Variants in LSAMP observed in about 807,000 individuals in gnomAD.
LSAMP encodes the protein limbic system associated membrane protein.
In LSAMP, 7 loss-of-function variants were observed where a neutral mutation model predicts 38.6. The ratio of observed to expected loss-of-function variants is 0.18; its 90% CI spans 0.10 to 0.34. LSAMP has a LOEUF of 0.34. LSAMP is among the 10% of genes least tolerant of loss of function. The probability of loss-of-function intolerance (pLI) is 1.00; values close to 1 mark genes in which losing one functional copy is unlikely to be tolerated. For missense variants in LSAMP, 313 were observed against 420.0 expected (o/e 0.75, Z 2.23); for synonymous variants, 154 against 166.8 (o/e 0.92, Z 0.59).
intron 3 of LSAMP, among the ~76,000 whole-genome samples, chr3:116,001,284 T>C (rs1016914772): frequency 2.8e-4 from 42 of 152,220 alleles, no homozygotes; most frequent in Non-Finnish European, 2.1e-4. Context: ...TAGTCACCAG[T>C]AATAAAATAT....
intron 1 of LSAMP, among the ~76,000 whole-genome samples, chr3:116,338,221 G>T (rs2107749577): frequency 6.6e-6 from 1 of 151,936 alleles, no homozygotes; most frequent in Non-Finnish European, 1.5e-5. Context: ...GGATGACTGT[G>T]GTCTAGTGAG....
chr3:116,108,168 T>C (rs185316159), intron 1 of LSAMP, among the ~76,000 whole-genome samples: 4 of 151,870 alleles, frequency 2.6e-5, no homozygotes, highest in Admixed American at 2.6e-4. Flanking sequence ...TGGATTAAGG[T>C]GGGGGAATAC....
intron 3 of LSAMP, among the ~76,000 whole-genome samples, chr3:115,940,437 A>G (rs1302963894): frequency 6.6e-6 from 1 of 150,832 alleles, no homozygotes; most frequent in East Asian, 2.0e-4. Flanking sequence ...CTTTAGCTAG[A>G]CACAGAGCGC....
intron 3 of LSAMP, among the ~76,000 whole-genome samples, chr3:115,903,567 C>CCT (rs1936933905): frequency 6.6e-6 from 1 of 152,062 alleles, no homozygotes; most frequent in Non-Finnish European, 1.5e-5. Flanking sequence ...CATAAAGAAC[C>CCT]CTCACAGGAG....
At chr3:115,833,282 G>C (rs1934675954) in intron 6 of LSAMP, among the ~76,000 whole-genome samples, 1 of 151,246 alleles carries the variant, frequency 6.6e-6, no homozygotes, top group South Asian at 2.1e-4. Context: ...ATCATGTCAA[G>C]TCTAAAAAAC....
intron 1 of LSAMP, among the ~76,000 whole-genome samples, chr3:116,290,546 A>G (rs1192494515): frequency 6.6e-6 from 1 of 151,892 alleles, no homozygotes; most frequent in Non-Finnish European, 1.5e-5. Flanking sequence ...CCTGACCAAC[A>G]TGGTAAAACC....
intron 1 of LSAMP, among the ~76,000 whole-genome samples, chr3:116,292,264 C>G (rs1204416358): frequency 1.3e-5 from 2 of 152,178 alleles, no homozygotes; most frequent in Non-Finnish European, 2.9e-5. Flanking sequence ...GTCAACTCAT[C>G]TTTAATCCTG....
chr3:116,272,037 G>A (rs537040342), intron 1 of LSAMP, among the ~76,000 whole-genome samples: 2 of 152,006 alleles, frequency 1.3e-5, no homozygotes, highest in African/African-American at 4.8e-5. Context: ...TAAAAGAGAT[G>A]GATGTAAAGA....
At chr3:115,909,794 G>C (rs1359199270) in intron 3 of LSAMP, among the ~76,000 whole-genome samples, 1 of 152,140 alleles carries the variant, frequency 6.6e-6, no homozygotes, top group Non-Finnish European at 1.5e-5. Flanking sequence ...GTAGTAAGAA[G>C]CCAGTCAGGA....
Position 116,403,710 on chromosome 3 carries a change from C to T in LSAMP, c.155+41167G>A, listed in dbSNP as rs187905330. Among the ~76,000 whole-genome samples the T allele has an allele frequency of 2.8e-3, 418 of 151,874 alleles. 2 individuals carry two copies. Among genetic ancestry groups the T allele is most frequent in the African/African-American group, 9.6e-3 (397 of 41,410 alleles). On this transcript the variant is annotated intron_variant, in intron 1 of 6. Transcript: ENST00000490035. ...TGTCTCATACATGATTGATTAACCA[C>T]ACTAAAAGTTGCAAAATGTAGATTT...
At chr3:115,940,879 C>A (rs375872509) in intron 3 of LSAMP, among the ~76,000 whole-genome samples, 36 of 152,244 alleles carry the variant, frequency 2.4e-4, no homozygotes, top group African/African-American at 7.0e-4. Flanking sequence ...TACAAAGAAG[C>A]TTTGTTCTTC....
chr3:116,007,288 A>AT (rs11288630), intron 3 of LSAMP, among the ~76,000 whole-genome samples: 29 of 150,700 alleles, frequency 1.9e-4, no homozygotes, highest in South Asian at 4.2e-4. Flanking sequence ...ATGACAAGGT[A>AT]TTTTTTTTTT....
intron 3 of LSAMP, among the ~76,000 whole-genome samples, chr3:115,964,996 T>G (rs533197544): frequency 2.3e-4 from 35 of 152,240 alleles, no homozygotes; most frequent in Non-Finnish European, 4.3e-4. Flanking sequence ...TGTGACCTTT[T>G]AAATTACTGT....
At chr3:116,045,238 C>T (rs1941264927) in intron 2 of LSAMP, among the ~76,000 whole-genome samples, 1 of 152,170 alleles carries the variant, frequency 6.6e-6, no homozygotes, top group Admixed American at 6.5e-5. Flanking sequence ...CTACTTTCTT[C>T]AAGTGCCTCT....
intron 1 of LSAMP, among the ~76,000 whole-genome samples, chr3:116,341,994 A>G (rs1425556561): frequency 2.0e-5 from 3 of 152,038 alleles, no homozygotes; most frequent in African/African-American, 7.2e-5. Flanking sequence ...TCCCTCAGAG[A>G]AAAGGGCTAT....
chr3:116,043,526 G>C (rs1275750910), intron 2 of LSAMP, among the ~76,000 whole-genome samples: 10 of 152,150 alleles, frequency 6.6e-5, no homozygotes, highest in Non-Finnish European at 1.0e-4. Context: ...CAGCATCACA[G>C]TGTGAAATGC....
chr3:116,392,357 C>A (rs1439483818), intron 1 of LSAMP, among the ~76,000 whole-genome samples: 1 of 152,212 alleles, frequency 6.6e-6, no homozygotes, highest in African/African-American at 2.4e-5. Flanking sequence ...TGGCTTCTCC[C>A]CACTGTTCAC....
intron 3 of LSAMP, among the ~76,000 whole-genome samples, chr3:116,013,620 T>C (rs1940392923): frequency 6.6e-6 from 1 of 152,180 alleles, no homozygotes; most frequent in Non-Finnish European, 1.5e-5. Context: ...TAGTAGTTTA[T>C]ACATTGGCAT....
At chr3:116,329,216 A>C (rs557570775) in intron 1 of LSAMP, among the ~76,000 whole-genome samples, 21 of 152,310 alleles carry the variant, frequency 1.4e-4, no homozygotes, top group African/African-American at 5.1e-4. Context: ...AATCCTTACA[A>C]CAGCCCAGTG....
Sources: gnomAD v4.1 joint callset for allele counts (sites outside exome capture counted in the v4.1 genomes callset) on GRCh38, gnomAD v4.1.1 for gene constraint, MANE v1.5 for transcripts, NCBI Gene and HGNC (gene_info 2026-07-23, HGNC 2026-07-21) for gene names.